The following EEFSEC variants were observed in gnomAD, a reference collection of about 807,000 sequenced individuals.
EEFSEC encodes selenocysteine-specific elongation factor.
A neutral mutation model predicts 42.1 loss-of-function variants in EEFSEC; 43 were observed. The observed-to-expected ratio is 1.02, with a 90% confidence interval of 0.80 to 1.32. The LOEUF (loss-of-function observed/expected upper bound fraction) is 1.32, where lower values mean the gene tolerates loss of function less well. Ranked by LOEUF, EEFSEC falls within the 40% of genes most tolerant of loss-of-function variation. The probability of loss-of-function intolerance (pLI) is 0.00; values close to 1 mark genes in which losing one functional copy is unlikely to be tolerated. For synonymous variants in EEFSEC, 354 were observed against 339.1 expected, an observed-to-expected ratio of 1.04 and a Z score of -0.48; for missense variants, 745 against 803.6, an observed-to-expected ratio of 0.93 and a Z score of 0.88.
At chr3:128,297,852 A>G (rs1303621720) in intron 4 of EEFSEC, among the ~76,000 whole-genome samples, 3 of 152,164 alleles carry the variant, frequency 2.0e-5, no homozygotes, top group Admixed American at 6.5e-5. Flanking sequence ...AGTTGTCTCA[A>G]TTTTGCTGAA....
chr3:128,413,821 C>T, the EEFSEC span, among the ~76,000 whole-genome samples: 1 of 152,232 alleles, frequency 6.6e-6, no homozygotes, highest in Non-Finnish European at 1.5e-5. Flanking sequence ...CCTGGCGGGC[C>T]CCAGCATCCG....
rs561626967 is a variant in EEFSEC, at chr3:128,398,665, C to T, written c.1601-9404C>T. Among the ~76,000 whole-genome samples the T allele has an allele frequency of 2.2e-4, 34 of 152,034 alleles. No homozygotes were observed. The East Asian group carries it at 6.5e-3, about 29-fold the overall frequency. On this transcript the variant is annotated intron_variant, in intron 6 of 6. Transcript: ENST00000254730. ...CTGCAGGGACACCTAGAGCAGGAGC[C>T]TCCAAGGAGCCTGTGGCAAACCACC...
At chr3:128,168,624 T>G (rs2065264902) in intron 1 of EEFSEC, among the ~76,000 whole-genome samples, 1 of 152,220 alleles carries the variant, frequency 6.6e-6, no homozygotes, top group South Asian at 2.1e-4. Context: ...GTTCTTCTTG[T>G]GTCTTTTCAC....
chr3:128,284,561 T>C (rs528338764), intron 4 of EEFSEC, among the ~76,000 whole-genome samples: 2 of 152,120 alleles, frequency 1.3e-5, no homozygotes, highest in African/African-American at 4.8e-5. Flanking sequence ...GGAGCAGGCT[T>C]TTGGGCACTC....
At chr3:128,404,436 T>A (rs962775504) in intron 6 of EEFSEC, among the ~76,000 whole-genome samples, 1 of 152,254 alleles carries the variant, frequency 6.6e-6, no homozygotes, top group African/African-American at 2.4e-5. Context: ...GGACTGCCGA[T>A]TGGGCCACGC....
intron 6 of EEFSEC, among the ~76,000 whole-genome samples, chr3:128,384,443 C>T (rs1449022397): frequency 1.3e-5 from 2 of 152,192 alleles, no homozygotes; most frequent in Admixed American, 1.3e-4. Context: ...GATGAGCAGA[C>T]CAGAGCAGAG....
chr3:128,293,325 T>C (rs2066663813), intron 4 of EEFSEC, among the ~76,000 whole-genome samples: 1 of 152,206 alleles, frequency 6.6e-6, no homozygotes, highest in African/African-American at 2.4e-5. Context: ...GTAGAAAAGC[T>C]TCCTATAAGG....
At chr3:128,426,209 C>T in the EEFSEC span, among the ~76,000 whole-genome samples, 1 of 152,256 alleles carries the variant, frequency 6.6e-6, no homozygotes, top group Non-Finnish European at 1.5e-5. Context: ...GTGCGCTGAA[C>T]ACCTGGATTC....
chr3:128,388,708 C>G (rs1285252786), intron 6 of EEFSEC, among the ~76,000 whole-genome samples: 3 of 152,270 alleles, frequency 2.0e-5, no homozygotes, highest in African/African-American at 7.2e-5. Flanking sequence ...CGACTGTGTG[C>G]TTTCAGTGGT....
At chr3:128,291,301 T>G (rs1017589052) in intron 4 of EEFSEC, among the ~76,000 whole-genome samples, 1 of 152,226 alleles carries the variant, frequency 6.6e-6, no homozygotes, top group African/African-American at 2.4e-5. Context: ...CTTTCAAAAC[T>G]CATGTTTAAA....
chr3:128,328,974 C>T lies in EEFSEC; in HGVS notation c.787-12259C>T, dbSNP rs530582062. Among the ~76,000 whole-genome samples, 9 of 152,296 alleles carry T rather than the reference C, an allele frequency of 5.9e-5. No homozygotes were observed. The East Asian group carries it at 1.7e-3, about 29-fold the overall frequency. On this transcript the variant is annotated intron_variant, in intron 4 of 6. Transcript: ENST00000254730. The stretch of plus-strand genomic sequence containing the variant: ...GATACCCTGTGTCTCAGGAGGCTCG[C>T]AGTGGCAGCTCAATTGGATGACTGA...
At chr3:128,286,386 A>T (rs567854818) in intron 4 of EEFSEC, among the ~76,000 whole-genome samples, 2 of 152,214 alleles carry the variant, frequency 1.3e-5, no homozygotes, top group African/African-American at 2.4e-5. Context: ...AGGAGTATCT[A>T]TGTAATTATT....
At chr3:128,196,856 G>A (rs1260760107) in intron 1 of EEFSEC, among the ~76,000 whole-genome samples, 1 of 152,200 alleles carries the variant, frequency 6.6e-6, no homozygotes, top group Admixed American at 6.5e-5. Context: ...CGCACAGTGT[G>A]GGGCATGCAC....
At chr3:128,402,066 T>C (rs997209064) in intron 6 of EEFSEC, among the ~76,000 whole-genome samples, 1 of 152,230 alleles carries the variant, frequency 6.6e-6, no homozygotes, top group Non-Finnish European at 1.5e-5. Context: ...CCGTGCCTTC[T>C]CTGGGCTCCC....
intron 2 of EEFSEC, among the ~76,000 whole-genome samples, chr3:128,251,804 A>G (rs2066189848): frequency 6.6e-6 from 1 of 152,114 alleles, no homozygotes; most frequent in African/African-American, 2.4e-5. Flanking sequence ...TATGTAGTCA[A>G]ACTCTTTGTT....
rs1402610721 is a variant in EEFSEC at position 128,249,418 on chromosome 3, A to T, written c.524+2375A>T. ...CCACTTTTTCTTCCACATTTTTTTT[A>T]TTGTGGTAAAATACATATAACATAA... On this transcript the variant is annotated intron_variant, in intron 2 of 6. Coordinates refer to ENST00000254730, the MANE Select transcript of EEFSEC (RefSeq NM_021937.5). Among the ~76,000 whole-genome samples, 3 of 151,906 alleles carry T rather than the reference A, an allele frequency of 2.0e-5. No homozygotes were observed. In the East Asian group the frequency reaches 5.8e-4, roughly 29 times the overall value.
chr3:128,388,553 A>G (rs1468269140), intron 6 of EEFSEC, among the ~76,000 whole-genome samples: 2 of 152,230 alleles, frequency 1.3e-5, no homozygotes, highest in Non-Finnish European at 2.9e-5. Context: ...TCTCCACTGC[A>G]GCACCCACTG....
chr3:128,243,849 C>T (rs1259025267), intron 1 of EEFSEC, among the ~76,000 whole-genome samples: 1 of 152,188 alleles, frequency 6.6e-6, no homozygotes, highest in Non-Finnish European at 1.5e-5. Context: ...GAGTTAAGAA[C>T]CTGGGCACCA....
chr3:128,154,816 C>T (rs918403253), intron 1 of EEFSEC, among the ~76,000 whole-genome samples: 2 of 152,152 alleles, frequency 1.3e-5, no homozygotes, highest in African/African-American at 2.4e-5. Flanking sequence ...ATTTACAAAC[C>T]ATTTTGCAGT....
Sources: gnomAD v4.1 joint callset for allele counts (sites outside exome capture counted in the v4.1 genomes callset) on GRCh38, gnomAD v4.1.1 for gene constraint, MANE v1.5 for transcripts, NCBI Gene and HGNC (gene_info 2026-07-23, HGNC 2026-07-21) for gene names.